NEBL: variants seen among roughly 807,000 people sequenced by gnomAD.
The protein encoded by NEBL is LIM and SH3 protein 2.
Under a neutral mutation model 140.2 loss-of-function variants are expected in NEBL, and 122 were observed. That is an observed-to-expected ratio of 0.87 (90% CI 0.75 to 1.01). The LOEUF is 1.01. Among genes scored for constraint, NEBL ranks in the 50% least tolerant of loss-of-function variants. The pLI, the probability that NEBL is intolerant of heterozygous loss-of-function variation, is 0.00. For missense variants in NEBL, 1,365 were observed against 1,231.3 expected, an observed-to-expected ratio of 1.11 and a Z score of -1.62; for synonymous variants, 436 against 398.9, an observed-to-expected ratio of 1.09 and a Z score of -1.11.
At chr10:20,869,167 G>T (rs1452126388) in intron 6 of NEBL, among the ~76,000 whole-genome samples, 3 of 152,176 alleles carry the variant, frequency 2.0e-5, no homozygotes, top group African/African-American at 7.2e-5. Context: ...ATACAGTAAT[G>T]ATTGATTTTA....
chr10:20,851,476 G>C (rs1457681372), intron 10 of NEBL, among the ~76,000 whole-genome samples: 1 of 151,904 alleles, frequency 6.6e-6, no homozygotes, highest in Non-Finnish European at 1.5e-5. Flanking sequence ...ACAACACTAG[G>C]ATAGAACTTT....
intron 2 of NEBL, among the ~76,000 whole-genome samples, chr10:21,026,447 C>A (rs1339960405): frequency 6.6e-6 from 1 of 152,232 alleles, no homozygotes; most frequent in Non-Finnish European, 1.5e-5. Flanking sequence ...TTTAAGACTT[C>A]TAGCTCTAAC....
At chr10:21,001,762 C>A (rs1164382476) in intron 3 of NEBL, among the ~76,000 whole-genome samples, 1 of 152,120 alleles carries the variant, frequency 6.6e-6, no homozygotes, top group Admixed American at 6.5e-5. Context: ...CAAAAACCTG[C>A]AACCTCAGAC....
chr10:21,188,580 T>G (rs1564539666), intron 3 of NEBL, among the ~76,000 whole-genome samples: 1 of 151,718 alleles, frequency 6.6e-6, no homozygotes, highest in Non-Finnish European at 1.5e-5. Context: ...AAACATGCAA[T>G]TGGATATATA....
intron 4 of NEBL, among the ~76,000 whole-genome samples, chr10:20,924,058 T>A (rs543961395): frequency 3.7e-4 from 57 of 152,274 alleles, no homozygotes; most frequent in Middle Eastern, 3.4e-3. Flanking sequence ...CCTCTCGATA[T>A]ACAGCAATTC....
intron 4 of NEBL, among the ~76,000 whole-genome samples, chr10:20,955,057 G>A (rs746733088): frequency 3.9e-5 from 6 of 152,172 alleles, no homozygotes; most frequent in Non-Finnish European, 8.8e-5. Flanking sequence ...GTGCATTTTA[G>A]GAAAACCTTG....
intron 4 of NEBL, among the ~76,000 whole-genome samples, chr10:20,911,518 T>C (rs547480540): frequency 6.6e-6 from 1 of 152,344 alleles, no homozygotes; most frequent in East Asian, 1.9e-4. Context: ...TTATAAAACC[T>C]ACTACCATAC....
intron 4 of NEBL, among the ~76,000 whole-genome samples, chr10:20,946,344 A>C (rs1398309749): frequency 6.6e-6 from 1 of 152,216 alleles, no homozygotes; most frequent in Non-Finnish European, 1.5e-5. Flanking sequence ...TGCTACTGGT[A>C]GTTAGCAGGA....
At chr10:21,177,807 C>T (rs1270925234), upstream of NEBL, among the ~76,000 whole-genome samples, 3 of 152,120 alleles carry the variant, frequency 2.0e-5, no homozygotes, top group African/African-American at 7.2e-5. Flanking sequence ...GGATTACAGG[C>T]GTGAGCCACC....
intron 16 of NEBL, among the ~76,000 whole-genome samples, chr10:20,830,753 A>T (rs1017336957): frequency 1.4e-4 from 21 of 151,246 alleles, no homozygotes; most frequent in Non-Finnish European, 2.5e-4. Flanking sequence ...AAAAAGAAAG[A>T]AAGAAAAGGT....
intron 2 of NEBL, among the ~76,000 whole-genome samples, chr10:21,133,585 T>G (rs1203453382): frequency 1.3e-5 from 2 of 152,088 alleles, no homozygotes; most frequent in Non-Finnish European, 1.5e-5. Flanking sequence ...CTTCATAGAG[T>G]TGGAAGGATT....
At chr10:20,876,909 T>A (rs969194010) in intron 5 of NEBL, among the ~76,000 whole-genome samples, 1 of 152,192 alleles carries the variant, frequency 6.6e-6, no homozygotes, top group African/African-American at 2.4e-5. Flanking sequence ...CAGGGGTATG[T>A]CCCTTAAGGT....
chr10:21,139,933 T>C (rs968417245), intron 2 of NEBL, among the ~76,000 whole-genome samples: 5 of 150,290 alleles, frequency 3.3e-5, no homozygotes, highest in African/African-American at 1.2e-4. Flanking sequence ...GGCAGATCAC[T>C]TGAGGCCAGG....
At chr10:21,053,276 G>A (rs1834857843) in intron 2 of NEBL, among the ~76,000 whole-genome samples, 1 of 152,174 alleles carries the variant, frequency 6.6e-6, no homozygotes, top group Admixed American at 6.5e-5. Flanking sequence ...GGAGAAAAGA[G>A]GAGTGTTAAT....
At chr10:21,034,078 G>A (rs1191804085) in intron 2 of NEBL, among the ~76,000 whole-genome samples, 1 of 144,428 alleles carries the variant, frequency 6.9e-6, no homozygotes, top group African/African-American at 2.6e-5. Flanking sequence ...GAGGTGGAAG[G>A]ATTGCTTGAG....
intron 2 of NEBL, among the ~76,000 whole-genome samples, chr10:21,035,726 C>T (rs934206177): frequency 3.1e-5 from 3 of 97,124 alleles, no homozygotes; most frequent in East Asian, 3.9e-4. Flanking sequence ...AATAAATATC[C>T]TTATTACCTT....
At position 20,780,098 on chromosome 10, in the gene NEBL, G is replaced by T. The variant is rs538693099; in HGVS notation, c.*5649C>A. 6.6e-6 allele frequency: 1 copy of T among 152,128 alleles called. No homozygotes were observed. The highest frequency in any genetic ancestry group is 1.5e-5 in the Non-Finnish European group (1 of 68,028). 9.4% of individuals were successfully genotyped at this position (152,128 alleles called of 1,614,324 possible). A position where few individuals can be genotyped will look rare whatever the true frequency, so the allele number is the denominator to read the frequency against. Reference sequence around the variant, plus strand: ...ATACAATAAGACTAGCATCCAAATCGCATAGATTTATATGAGTGTGAAAAA... The same window carrying T: ...ATACAATAAGACTAGCATCCAAATCTCATAGATTTATATGAGTGTGAAAAA... On this transcript the variant is annotated 3_prime_UTR_variant, in exon 28 of 28. Coordinates refer to ENST00000377122, the MANE Select transcript of NEBL (RefSeq NM_006393.3).
intron 3 of NEBL, among the ~76,000 whole-genome samples, chr10:21,010,971 G>A (rs1250247598): frequency 6.6e-6 from 1 of 152,126 alleles, no homozygotes; most frequent in Admixed American, 6.5e-5. Context: ...TCCAGGGAAG[G>A]AGCTATTTAG....
intron 9 of NEBL, among the ~76,000 whole-genome samples, chr10:20,853,224 A>G (rs1256427389): frequency 6.6e-6 from 1 of 152,194 alleles, no homozygotes; most frequent in Non-Finnish European, 1.5e-5. Flanking sequence ...AGAAATTGAG[A>G]AATCTGGGAA....
Sources: allele counts gnomAD v4.1 joint callset (sites outside exome capture counted in the v4.1 genomes callset), GRCh38; gene constraint gnomAD v4.1.1; transcripts MANE v1.5; gene names NCBI Gene and HGNC (gene_info 2026-07-23, HGNC 2026-07-21).